Variants in PLCB1 observed in about 807,000 individuals in gnomAD.
PLCB1 encodes the protein 1-phosphatidylinositol 4,5-bisphosphate phosphodiesterase beta-1.
In PLCB1, 46 loss-of-function variants were observed where a neutral mutation model predicts 161.8. The ratio of observed to expected loss-of-function variants is 0.28; its 90% CI spans 0.22 to 0.36. The LOEUF (loss-of-function observed/expected upper bound fraction) is 0.36, where lower values mean the gene tolerates loss of function less well. Among genes scored for constraint, PLCB1 ranks in the 10% least tolerant of loss-of-function variants. PLCB1 has a pLI of 1.00. For missense variants in PLCB1, 1,016 were observed against 1,472.5 expected, an observed-to-expected ratio of 0.69 and a Z score of 5.07; for synonymous variants, 517 against 503.7, an observed-to-expected ratio of 1.03 and a Z score of -0.35.
intron 4 of PLCB1, among the ~76,000 whole-genome samples, chr20:8,633,101 T>TACAC (rs58802999): frequency 0.012 from 1,766 of 142,310 alleles, 15 homozygotes; most frequent in Middle Eastern, 0.022. Context: ...TGCATGTATG[T>TACAC]ACACACACAC....
At chr20:8,573,943 A>G (rs1600162715) in intron 3 of PLCB1, among the ~76,000 whole-genome samples, 1 of 152,130 alleles carries the variant, frequency 6.6e-6, no homozygotes, top group East Asian at 1.9e-4. Flanking sequence ...ACATTGTGCA[A>G]AAGGGAAAAA....
chr20:8,650,015 C>A (rs191402887), intron 7 of PLCB1: 1 of 151,972 alleles, frequency 6.6e-6, no homozygotes, highest in Non-Finnish European at 1.5e-5. Context: ...ACTCCTATAA[C>A]CCCAGTATTT....
intron 9 of PLCB1, among the ~76,000 whole-genome samples, chr20:8,674,973 C>G (rs1990038598): frequency 6.6e-6 from 1 of 152,022 alleles, no homozygotes; most frequent in African/African-American, 2.4e-5. Context: ...TTCTAGAAGT[C>G]TCCTTATTTT....
chr20:8,667,249 C>T (rs1387158543), intron 9 of PLCB1, among the ~76,000 whole-genome samples: 4 of 152,122 alleles, frequency 2.6e-5, no homozygotes, highest in African/African-American at 9.7e-5. Context: ...TTTTATTGAT[C>T]GAAATCTCAT....
intron 31 of PLCB1, among the ~76,000 whole-genome samples, chr20:8,872,973 C>A (rs1987659111): frequency 6.6e-6 from 1 of 152,174 alleles, no homozygotes; most frequent in Non-Finnish European, 1.5e-5. Flanking sequence ...TCCTTATATT[C>A]AAACTCAGCT....
chr20:8,182,026 A>T (rs1026136638), intron 2 of PLCB1, among the ~76,000 whole-genome samples: 3 of 152,192 alleles, frequency 2.0e-5, no homozygotes, highest in East Asian at 3.9e-4. Flanking sequence ...TCTCCAGTAT[A>T]TACCCATAAA....
chr20:8,641,308 TAAC>T (rs1218607026), intron 4 of PLCB1, among the ~76,000 whole-genome samples: 1 of 152,198 alleles, frequency 6.6e-6, no homozygotes, highest in Non-Finnish European at 1.5e-5. Context: ...TTGAAACTTA[TAAC>T]AATAGAGGAG....
At chr20:8,609,458 C>G (rs1834572909) in intron 3 of PLCB1, among the ~76,000 whole-genome samples, 1 of 152,116 alleles carries the variant, frequency 6.6e-6, no homozygotes, top group Admixed American at 6.5e-5. Context: ...CTAAATGTGT[C>G]CTTCAAAAGC....
chr20:8,160,153 G>T (rs548729471), intron 2 of PLCB1, among the ~76,000 whole-genome samples: 15 of 152,214 alleles, frequency 9.9e-5, no homozygotes, highest in Middle Eastern at 3.4e-3. Context: ...TTCCCAATGA[G>T]TTCCTCATCT....
At chr20:8,526,425 T>C (rs1463747287) in intron 3 of PLCB1, among the ~76,000 whole-genome samples, 1 of 152,128 alleles carries the variant, frequency 6.6e-6, no homozygotes, top group Non-Finnish European at 1.5e-5. Context: ...TAAAAATCTA[T>C]TTGCAATTTC....
chr20:8,311,466 T>A (rs201516112), intron 2 of PLCB1, among the ~76,000 whole-genome samples: 3 of 152,326 alleles, frequency 2.0e-5, no homozygotes, highest in East Asian at 3.9e-4. Context: ...AGGATTTGAT[T>A]GAGTTGGAAA....
intron 26 of PLCB1, among the ~76,000 whole-genome samples, chr20:8,767,055 G>C (rs1388047490): frequency 1.3e-5 from 2 of 152,076 alleles, no homozygotes; most frequent in Non-Finnish European, 2.9e-5. Context: ...GTATGTCTCT[G>C]CAATTCCCAG....
chr20:8,593,471 A>G (rs1987219496), intron 3 of PLCB1, among the ~76,000 whole-genome samples: 1 of 152,054 alleles, frequency 6.6e-6, no homozygotes, highest in Non-Finnish European at 1.5e-5. Context: ...TGGGATTACA[A>G]GTGTGAGCCA....
At chr20:8,720,812 T>A (rs947583076) in intron 14 of PLCB1, among the ~76,000 whole-genome samples, 1 of 151,454 alleles carries the variant, frequency 6.6e-6, no homozygotes, top group Non-Finnish European at 1.5e-5. Flanking sequence ...CCAAACAATT[T>A]TTTAATTATT....
chr20:8,441,751 G>A (rs1036764762), intron 3 of PLCB1, among the ~76,000 whole-genome samples: 2 of 151,908 alleles, frequency 1.3e-5, no homozygotes, highest in African/African-American at 4.8e-5. Context: ...AGGGGGAGAG[G>A]GCAGCATTCT....
At chr20:8,326,025 A>G (rs1199027929) in intron 2 of PLCB1, among the ~76,000 whole-genome samples, 1 of 152,176 alleles carries the variant, frequency 6.6e-6, no homozygotes, top group African/African-American at 2.4e-5. Flanking sequence ...TTGGTTTTAT[A>G]ATCTAGGTAA....
chr20:8,619,380 C>T (rs967049895), intron 3 of PLCB1, among the ~76,000 whole-genome samples: 4 of 150,410 alleles, frequency 2.7e-5, no homozygotes, highest in African/African-American at 4.9e-5. Context: ...GATTGCACCA[C>T]GGCACTCCAG....
intron 9 of PLCB1, among the ~76,000 whole-genome samples, chr20:8,659,621 TAAAAGTAAATTTA>T (rs376286731): frequency 2.8e-4 from 43 of 152,274 alleles, no homozygotes; most frequent in African/African-American, 9.6e-5. Flanking sequence ...ATGATTATCA[TAAAAGTAAATTTA>T]AAAGTCTTTT....
chr20:8,620,370 G>A (rs1988146725), intron 3 of PLCB1, among the ~76,000 whole-genome samples: 1 of 151,978 alleles, frequency 6.6e-6, no homozygotes, highest in Non-Finnish European at 1.5e-5. Context: ...GAAAACTGAG[G>A]CACAGAATGA....
Sources: allele counts gnomAD v4.1 joint callset (sites outside exome capture counted in the v4.1 genomes callset), GRCh38; gene constraint gnomAD v4.1.1; transcripts MANE v1.5; gene names NCBI Gene and HGNC (gene_info 2026-07-23, HGNC 2026-07-21).